Variants in VOPP1 observed in about 807,000 individuals in gnomAD.
VOPP1 encodes the protein VOPP1 WW domain binding protein, also known as WW domain binding protein VOPP1.
A neutral mutation model predicts 23.5 loss-of-function variants in VOPP1; 8 were observed. The ratio of observed to expected loss-of-function variants is 0.34; its 90% confidence interval spans 0.20 to 0.61. VOPP1 has a LOEUF of 0.61. VOPP1 is among the 20% of genes least tolerant of loss of function. The pLI is 0.78. For missense variants in VOPP1, 174 were observed against 238.1 expected (o/e 0.73, Z 1.77); for synonymous variants, 83 against 97.3 (o/e 0.85, Z 0.86).
chr7:55,533,793 G>A (rs538332089), intron 1 of VOPP1, among the ~76,000 whole-genome samples: 1 of 152,198 alleles, frequency 6.6e-6, no homozygotes, highest in African/African-American at 2.4e-5. Flanking sequence ...GTGATGGGGT[G>A]AACTTCGATG....
chr7:55,527,052 T>C (rs758927379), intron 1 of VOPP1: 1 of 152,230 alleles, frequency 6.6e-6, no homozygotes, highest in African/African-American at 2.4e-5. Flanking sequence ...GCAGGCTTGA[T>C]GCTCAGGACC....
At chr7:55,451,461 T>G (rs1198196137) in intron 4 of VOPP1, among the ~76,000 whole-genome samples, 1 of 152,196 alleles carries the variant, frequency 6.6e-6, no homozygotes, top group Non-Finnish European at 1.5e-5. Context: ...AACAGCATTA[T>G]GTCTAAAAGC....
chr7:55,536,877 G>GT (rs1189800015), intron 1 of VOPP1, among the ~76,000 whole-genome samples: 5 of 152,154 alleles, frequency 3.3e-5, no homozygotes, highest in Non-Finnish European at 7.3e-5. Context: ...GGCATTCAAT[G>GT]TAAGTGCCCA....
intron 1 of VOPP1, among the ~76,000 whole-genome samples, chr7:55,554,761 T>C (rs895690397): frequency 1.3e-5 from 2 of 152,176 alleles, no homozygotes; most frequent in Non-Finnish European, 2.9e-5. Context: ...ACTGGGTCGA[T>C]AGGGGCTGGA....
intron 2 of VOPP1, among the ~76,000 whole-genome samples, chr7:55,499,033 C>A (rs1203318022): frequency 6.6e-6 from 1 of 152,156 alleles, no homozygotes; most frequent in Non-Finnish European, 1.5e-5. Context: ...AATATGGCAG[C>A]ATTCATGTAC....
At chr7:55,521,166 C>G (rs1369474942) in intron 1 of VOPP1, 36 bp from the exon 2 acceptor site, 2 of 1,545,638 alleles carry the variant, frequency 1.3e-6, no homozygotes, top group African/African-American at 2.7e-5. Flanking sequence ...TGTCAGTACT[C>G]AGGAATCTGC....
intron 1 of VOPP1, chr7:55,521,576 C>G (rs1167918643): frequency 1.0e-6 from 1 of 988,512 alleles, no homozygotes; most frequent in South Asian, 4.6e-5. Flanking sequence ...CGCATTCCGA[C>G]CTACGTCTGC....
intron 2 of VOPP1, among the ~76,000 whole-genome samples, chr7:55,520,712 G>A (rs1464532024): frequency 1.3e-5 from 2 of 152,220 alleles, no homozygotes; most frequent in Non-Finnish European, 2.9e-5. Context: ...TTCTTGTCCT[G>A]CTCAAGCTCA....
At chr7:55,527,100 T>C (rs556825242) in intron 1 of VOPP1, 1 of 152,186 alleles carries the variant, frequency 6.6e-6, no homozygotes, top group Non-Finnish European at 1.5e-5. Flanking sequence ...GCCTGCTCAA[T>C]GCAGAGAGAA....
chr7:55,538,604 T>C, intron 1 of VOPP1: 1 of 1,535,684 alleles, frequency 6.5e-7, no homozygotes, highest in South Asian at 1.2e-5. Context: ...ATAATCCATC[T>C]ATACAAACCT....
intron 4 of VOPP1, among the ~76,000 whole-genome samples, chr7:55,484,349 A>G (rs1792968045): frequency 6.6e-6 from 1 of 151,972 alleles, no homozygotes; most frequent in South Asian, 2.1e-4. Flanking sequence ...GCCTCCTTCC[A>G]CCCCCTTGCC....
At chr7:55,455,872 C>T (rs1460813210) in intron 4 of VOPP1, among the ~76,000 whole-genome samples, 2 of 152,130 alleles carry the variant, frequency 1.3e-5, no homozygotes, top group African/African-American at 4.8e-5. Flanking sequence ...CTAGGCAATA[C>T]CATTCAGGAC....
chr7:55,457,637 T>C (rs1269161294), intron 4 of VOPP1, among the ~76,000 whole-genome samples: 1 of 152,182 alleles, frequency 6.6e-6, no homozygotes, highest in Non-Finnish European at 1.5e-5. Flanking sequence ...TTTGGTCTTT[T>C]TAATAATAGT....
intron 1 of VOPP1, among the ~76,000 whole-genome samples, chr7:55,546,301 T>C (rs1022701437): frequency 6.6e-6 from 1 of 152,166 alleles, no homozygotes; most frequent in African/African-American, 2.4e-5. Flanking sequence ...AATTCCCAGG[T>C]AGCTCACTAA....
At chr7:55,476,484 G>A (rs914019264) in intron 4 of VOPP1, among the ~76,000 whole-genome samples, 2 of 152,096 alleles carry the variant, frequency 1.3e-5, no homozygotes, top group East Asian at 1.9e-4. Flanking sequence ...AAAAGAGTCC[G>A]GCAGGCCGCA....
intron 2 of VOPP1, among the ~76,000 whole-genome samples, chr7:55,520,809 C>T (rs1163175035): frequency 5.3e-5 from 8 of 152,184 alleles, no homozygotes; most frequent in Non-Finnish European, 1.2e-4. Flanking sequence ...GACATCTCGC[C>T]CCCTTTAAAC....
At chr7:55,552,923 T>A (rs926679393) in intron 1 of VOPP1, 5 of 953,412 alleles carry the variant, frequency 5.2e-6, no homozygotes, top group African/African-American at 5.0e-5. Flanking sequence ...TGCTGCTAGC[T>A]GCAAATTGCT....
At chr7:55,570,715 G>C (rs1470633752) in intron 1 of VOPP1, among the ~76,000 whole-genome samples, 1 of 152,172 alleles carries the variant, frequency 6.6e-6, no homozygotes, top group Non-Finnish European at 1.5e-5. Context: ...GCCGAGGCGG[G>C]CGGATCACCT....
intron 2 of VOPP1, among the ~76,000 whole-genome samples, chr7:55,507,128 G>A (rs1794777384): frequency 6.6e-6 from 1 of 152,162 alleles, no homozygotes. Context: ...ACCAGGAGGT[G>A]GTTCAGGCAG....
Sources: allele counts gnomAD v4.1 joint callset (sites outside exome capture counted in the v4.1 genomes callset), GRCh38; gene constraint gnomAD v4.1.1; transcripts MANE v1.5; gene names NCBI Gene and HGNC (gene_info 2026-07-23, HGNC 2026-07-21).